NEK7: variants seen among roughly 807,000 people sequenced by gnomAD.
NEK7 encodes serine/threonine-protein kinase Nek7.
Under a neutral mutation model 44.6 loss-of-function variants are expected in NEK7, and 18 were observed. That is an observed-to-expected ratio of 0.40 (90% CI 0.28 to 0.60). The LOEUF (loss-of-function observed/expected upper bound fraction) is 0.60, where lower values mean the gene tolerates loss of function less well. Among genes scored for constraint, NEK7 ranks in the 20% least tolerant of loss-of-function variants. The pLI is 0.38. For missense variants in NEK7, 256 were observed against 366.5 expected, an observed-to-expected ratio of 0.70 and a Z score of 2.46; for synonymous variants, 130 against 121.1, an observed-to-expected ratio of 1.07 and a Z score of -0.48.
chr1:198,317,236 T>C (rs1020059453), intron 9 of NEK7, among the ~76,000 whole-genome samples: 2 of 152,174 alleles, frequency 1.3e-5, no homozygotes, highest in East Asian at 1.9e-4. Context: ...TTGGTGGAGA[T>C]TGAATCAATA....
chr1:198,308,912 T>G (rs1456281344), intron 9 of NEK7, among the ~76,000 whole-genome samples: 1 of 152,070 alleles, frequency 6.6e-6, no homozygotes, highest in Non-Finnish European at 1.5e-5. Context: ...CACAAAACCT[T>G]TTCTTTTTTC....
intron 1 of NEK7, among the ~76,000 whole-genome samples, chr1:198,169,982 G>A (rs1256774749): frequency 6.6e-6 from 1 of 152,200 alleles, no homozygotes; most frequent in Non-Finnish European, 1.5e-5. Flanking sequence ...GTCTAGGCAG[G>A]TCCTAGCAGT....
At chr1:198,261,621 T>C (rs1439295006) in intron 3 of NEK7, among the ~76,000 whole-genome samples, 1 of 151,956 alleles carries the variant, frequency 6.6e-6, no homozygotes, top group Non-Finnish European at 1.5e-5. Flanking sequence ...TTATTTGTTA[T>C]GTAACTAGGG....
intron 7 of NEK7, among the ~76,000 whole-genome samples, chr1:198,291,063 T>C (rs1654537370): frequency 6.6e-6 from 1 of 152,200 alleles, no homozygotes. Context: ...TGTAAAATGC[T>C]AGCATTTGTT....
At chr1:198,304,849 A>G (rs1267584656) in intron 9 of NEK7, among the ~76,000 whole-genome samples, 1 of 152,150 alleles carries the variant, frequency 6.6e-6, no homozygotes, top group African/African-American at 2.4e-5. Context: ...AATGTTGTAG[A>G]GAATCCATTT....
intron 5 of NEK7, among the ~76,000 whole-genome samples, chr1:198,277,093 T>C (rs550978388): frequency 1.3e-5 from 2 of 151,918 alleles, no homozygotes; most frequent in African/African-American, 4.8e-5. Flanking sequence ...AATGCAATAT[T>C]CATGTTGGTC....
intron 1 of NEK7, among the ~76,000 whole-genome samples, chr1:198,187,966 C>T (rs887735973): frequency 2.0e-5 from 3 of 152,198 alleles, no homozygotes; most frequent in Non-Finnish European, 2.9e-5. Context: ...GAATCTGGCT[C>T]TATAGAGGCA....
intron 3 of NEK7, among the ~76,000 whole-genome samples, chr1:198,255,238 A>T (rs1040453289): frequency 6.6e-6 from 1 of 152,152 alleles, no homozygotes; most frequent in African/African-American, 2.4e-5. Flanking sequence ...TCTCAAGTAG[A>T]GTAACAATCT....
intron 1 of NEK7, among the ~76,000 whole-genome samples, chr1:198,211,163 G>A (rs1343403834): frequency 6.6e-6 from 1 of 152,040 alleles, no homozygotes; most frequent in East Asian, 1.9e-4. Context: ...CATTAAAGTA[G>A]GATTAGGTCT....
At chr1:198,162,227 T>C (rs1299735667) in intron 1 of NEK7, among the ~76,000 whole-genome samples, 2 of 152,146 alleles carry the variant, frequency 1.3e-5, no homozygotes, top group Non-Finnish European at 2.9e-5. Flanking sequence ...TCAGCTCTAG[T>C]CAGGAGTGGG....
chr1:198,314,759 A>G (rs921871464), intron 9 of NEK7, among the ~76,000 whole-genome samples: 3 of 152,350 alleles, frequency 2.0e-5, no homozygotes, highest in African/African-American at 7.2e-5. Flanking sequence ...GTCAGGGGTC[A>G]GAGACCCACT....
intron 1 of NEK7, among the ~76,000 whole-genome samples, chr1:198,232,190 T>C (rs754814688): frequency 1.3e-5 from 2 of 152,148 alleles, no homozygotes; most frequent in Non-Finnish European, 2.9e-5. Flanking sequence ...ATTTTAGGGA[T>C]GTAAAACATT....
intron 1 of NEK7, among the ~76,000 whole-genome samples, chr1:198,221,674 C>G (rs1396317868): frequency 6.6e-6 from 1 of 151,784 alleles, no homozygotes; most frequent in Non-Finnish European, 1.5e-5. Context: ...CTGAAGATGT[C>G]TACAGATGTA....
intron 1 of NEK7, among the ~76,000 whole-genome samples, chr1:198,194,758 A>C (rs1665185119): frequency 6.6e-6 from 1 of 152,172 alleles, no homozygotes; most frequent in African/African-American, 2.4e-5. Context: ...TGCTGTTGTG[A>C]ATAGTGCTGC....
intron 2 of NEK7, among the ~76,000 whole-genome samples, chr1:198,237,511 C>T (rs1666570695): frequency 6.6e-6 from 1 of 152,200 alleles, no homozygotes; most frequent in South Asian, 2.1e-4. Context: ...CCATTCCTAA[C>T]TTCCTCCTAT....
chr1:198,317,880 T>TTTA (rs1553258426), intron 9 of NEK7, among the ~76,000 whole-genome samples: 10 of 124,314 alleles, frequency 8.0e-5, no homozygotes, highest in Admixed American at 1.8e-4. Flanking sequence ...TATATTTATT[T>TTTA]TTTTTTTTTT....
chr1:198,232,668 T>G (rs769009646), intron 2 of NEK7, 31 bp downstream of exon 2: 1 of 1,308,434 alleles, frequency 7.6e-7, no homozygotes, highest in South Asian at 1.2e-5. Flanking sequence ...TGGGCAGAAC[T>G]ATATATAATC....
At chr1:198,282,294 C>G (rs538452529) in intron 7 of NEK7, among the ~76,000 whole-genome samples, 129 of 152,148 alleles carry the variant, frequency 8.5e-4, no homozygotes, top group African/African-American at 2.9e-3. Flanking sequence ...TCCTTGGTTC[C>G]TTGTTGCCTG....
intron 9 of NEK7, 31 bp downstream of exon 9, chr1:198,297,271 G>C (rs369279714): frequency 6.2e-7 from 1 of 1,608,098 alleles, no homozygotes; most frequent in South Asian, 1.1e-5. Flanking sequence ...ATGTTCTTCT[G>C]TTGTCCATTT....
Sources: allele counts gnomAD v4.1 joint callset (sites outside exome capture counted in the v4.1 genomes callset), GRCh38; gene constraint gnomAD v4.1.1; transcripts MANE v1.5; gene names NCBI Gene and HGNC (gene_info 2026-07-23, HGNC 2026-07-21).